The following DCHS2 variants were observed in gnomAD, a reference collection of about 807,000 sequenced individuals.
The protein encoded by DCHS2 is protocadherin-23.
Under a neutral mutation model 182.4 loss-of-function variants are expected in DCHS2, and 142 were observed. The ratio of observed to expected loss-of-function variants is 0.78; its 90% CI spans 0.68 to 0.89. The LOEUF (loss-of-function observed/expected upper bound fraction) is 0.89, where lower values mean the gene tolerates loss of function less well. Ranked by LOEUF, DCHS2 falls within the 40% of genes least tolerant of loss-of-function variation. The pLI, the probability that DCHS2 is intolerant of heterozygous loss-of-function variation, is 0.00. For synonymous variants in DCHS2, 1,740 were observed against 1,663.3 expected, an observed-to-expected ratio of 1.05 and a Z score of -1.12; for missense variants, 4,319 against 4,198.6, an observed-to-expected ratio of 1.03 and a Z score of -0.79.
chr4:154,405,076 C>A (rs1732342331), intron 1 of DCHS2, among the ~76,000 whole-genome samples: 1 of 151,804 alleles, frequency 6.6e-6, no homozygotes. Context: ...GTGAAACCCC[C>A]TCTCCACTAA....
At position 154,365,307 on chromosome 4, in the gene DCHS2, C is replaced by T. The variant is rs569858020; in HGVS notation, c.2476+903G>A. 7.2e-5 allele frequency among the ~76,000 whole-genome samples: 11 copies of T among 152,272 alleles called. No homozygotes were observed. The East Asian group carries it at 2.1e-3, about 29-fold the overall frequency. ...GCACTAATCTTAGCTATTAATACAT[C>T]CAAATGAGGCTCAGTCACCCTCGAG... On this transcript the variant is annotated intron_variant, in intron 3 of 19. Coordinates refer to ENST00000357232, the MANE Select transcript of DCHS2 (RefSeq NM_001358235.2).
At chr4:154,365,298 T>C (rs1363523130) in intron 3 of DCHS2, among the ~76,000 whole-genome samples, 1 of 152,174 alleles carries the variant, frequency 6.6e-6, no homozygotes, top group Non-Finnish European at 1.5e-5. Flanking sequence ...ATCTTAGCTA[T>C]TAATACATCC....
intron 16 of DCHS2, among the ~76,000 whole-genome samples, chr4:154,251,937 C>A (rs1732381216): frequency 1.3e-5 from 2 of 152,098 alleles, no homozygotes; most frequent in Admixed American, 1.3e-4. Flanking sequence ...GAAATTAATG[C>A]CTATTTTATA....
At chr4:154,389,213 CT>C (rs980452188) in intron 1 of DCHS2, among the ~76,000 whole-genome samples, 6 of 152,216 alleles carry the variant, frequency 3.9e-5, no homozygotes, top group Admixed American at 3.9e-4. Context: ...ATTTCTCTCT[CT>C]CTTTTTTCAA....
At chr4:154,240,138 C>T (rs533300254) in intron 18 of DCHS2, among the ~76,000 whole-genome samples, 7 of 152,008 alleles carry the variant, frequency 4.6e-5, no homozygotes, top group Admixed American at 1.3e-4. Context: ...TAGTTTTGTT[C>T]GTGATTTTTT....
intron 3 of DCHS2, among the ~76,000 whole-genome samples, chr4:154,340,754 G>A (rs1729024792): frequency 6.6e-6 from 1 of 152,154 alleles, no homozygotes; most frequent in African/African-American, 2.4e-5. Context: ...GGAAGAAAAA[G>A]GGAGACATGA....
chr4:154,390,520 A>C (rs187520943), intron 1 of DCHS2, among the ~76,000 whole-genome samples: 35 of 151,922 alleles, frequency 2.3e-4, no homozygotes, highest in African/African-American at 5.8e-4. Flanking sequence ...ACACACACAC[A>C]CCCACACATG....
At chr4:154,293,089 C>T (rs1283967620) in intron 13 of DCHS2, among the ~76,000 whole-genome samples, 3 of 152,170 alleles carry the variant, frequency 2.0e-5, no homozygotes, top group Non-Finnish European at 4.4e-5. Flanking sequence ...CTTCCTTCAC[C>T]CTTGGCTGCA....
intron 17 of DCHS2, among the ~76,000 whole-genome samples, chr4:154,241,511 G>A (rs200548230): frequency 3.3e-5 from 5 of 152,126 alleles, no homozygotes; most frequent in African/African-American, 4.8e-5. Flanking sequence ...TAAACAGCCC[G>A]TGAAAGGGAC....
At chr4:154,348,688 C>T (rs773263434) in intron 3 of DCHS2, among the ~76,000 whole-genome samples, 1 of 151,834 alleles carries the variant, frequency 6.6e-6, no homozygotes, top group African/African-American at 2.4e-5. Flanking sequence ...CTGCCATAGA[C>T]CAAGGAGTGC....
At chr4:154,472,982 T>C (rs1735536778) in intron 1 of DCHS2, among the ~76,000 whole-genome samples, 1 of 152,154 alleles carries the variant, frequency 6.6e-6, no homozygotes, top group East Asian at 1.9e-4. Flanking sequence ...CCATGTGAAG[T>C]AAGGGGAAGC....
intron 1 of DCHS2, among the ~76,000 whole-genome samples, chr4:154,469,553 G>C (rs553209109): frequency 1.3e-5 from 2 of 152,066 alleles, no homozygotes; most frequent in Non-Finnish European, 2.9e-5. Context: ...TCATTCTCTT[G>C]CTTAAACTCT....
chr4:154,370,840 A>G (rs1485394430), intron 2 of DCHS2, among the ~76,000 whole-genome samples: 1 of 152,106 alleles, frequency 6.6e-6, no homozygotes, highest in East Asian at 1.9e-4. Flanking sequence ...TTACCAGGAG[A>G]GTTCTATTGA....
At position 154,373,582 on chromosome 4, in the gene DCHS2, C is replaced by T. The variant is rs113059491; in HGVS notation, c.2244+3671G>A. Among the ~76,000 whole-genome samples the T allele has an allele frequency of 2.0e-3, 304 of 152,212 alleles. 4 individuals carry two copies. Among genetic ancestry groups the T allele is most frequent in the African/African-American group, 6.8e-3 (283 of 41,548 alleles). On this transcript the variant is annotated intron_variant, in intron 2 of 19. Coordinates refer to ENST00000357232, the MANE Select transcript of DCHS2 (RefSeq NM_001358235.2). The stretch of plus-strand genomic sequence containing the variant: ...GTGAAGGTTGGGGATTTGTTAAAAG[C>T]CTGTGATGTGGAGGCTCTTCTAGAA...
chr4:154,248,167 G>T (rs1427696265), intron 16 of DCHS2, among the ~76,000 whole-genome samples: 2 of 152,130 alleles, frequency 1.3e-5, no homozygotes, highest in African/African-American at 2.4e-5. Flanking sequence ...AGAAACTGGG[G>T]GCTTGAGGAG....
At chr4:154,294,027 G>T (rs925646776) in intron 13 of DCHS2, among the ~76,000 whole-genome samples, 1 of 152,196 alleles carries the variant, frequency 6.6e-6, no homozygotes, top group Middle Eastern at 3.4e-3. Context: ...ATGGTTAAAT[G>T]GTAAAATGAT....
chr4:154,472,939 G>A (rs1180333737), intron 1 of DCHS2, among the ~76,000 whole-genome samples: 1 of 152,138 alleles, frequency 6.6e-6, no homozygotes, highest in African/African-American at 2.4e-5. Context: ...TTAAGTACCA[G>A]CCAACTCATT....
intron 3 of DCHS2, chr4:154,352,398 A>T (rs1483482045): frequency 1.3e-5 from 2 of 152,154 alleles, no homozygotes; most frequent in Non-Finnish European, 2.9e-5. Flanking sequence ...TTGAATCTAG[A>T]ATCTAGTTGT....
Position 154,235,272 on chromosome 4 carries a change from T to C in DCHS2, c.9380A>G (p.Glu3127Gly). Residue 3127 changes from glutamate (E) to glycine (G), a missense_variant, in exon 20 of 20, where the codon GAG becomes GGG. Coordinates refer to ENST00000357232, the MANE Select transcript of DCHS2 (RefSeq NM_001358235.2). ...KCSDSALSDH[E>G]SRVPDSGIPR... ...GATACCCGAGTCTGGCACCCTGGAC[T>C]CGTGGTCACTCAGAGCTGAGTCTGA... is the stretch of plus-strand genomic sequence containing the variant. 4.3e-6 allele frequency: 7 copies of C among 1,614,112 alleles called. No individual in the cohort carries two copies. The highest frequency in any genetic ancestry group is 5.9e-6 in the Non-Finnish European group (7 of 1,179,980).
Sources: allele counts gnomAD v4.1 joint callset (sites outside exome capture counted in the v4.1 genomes callset), GRCh38; gene constraint gnomAD v4.1.1; transcripts MANE v1.5; gene names NCBI Gene and HGNC (gene_info 2026-07-23, HGNC 2026-07-21).